The following NME7 variants were observed in gnomAD, a reference collection of about 807,000 sequenced individuals.
NME7 encodes NME/NM23 family member 7, also known as nucleoside diphosphate kinase 7.
A neutral mutation model predicts 49.1 loss-of-function variants in NME7; 41 were observed. That is an observed-to-expected ratio of 0.83 (90% CI 0.65 to 1.08). NME7 has a LOEUF of 1.08. NME7 is among the 50% of genes least tolerant of loss of function. The probability of loss-of-function intolerance (pLI) is 0.00; values close to 1 mark genes in which losing one functional copy is unlikely to be tolerated. For synonymous variants in NME7, 139 were observed against 150.6 expected (o/e 0.92, Z 0.56); for missense variants, 423 against 463.4 (o/e 0.91, Z 0.80).
At position 169,153,120 on chromosome 1, in the gene NME7, T is replaced by C. The variant is rs78700357; in HGVS notation, c.1098+16327A>G. ...TCAAATTTCAGCTCTCTGCCACTCA[T>C]TGGTGGGGTGATCCTGGCCAAGTCA... On this transcript the variant is annotated intron_variant, in intron 11 of 11. Transcript: ENST00000367811. 7.0e-3 allele frequency among the ~76,000 whole-genome samples: 1,066 copies of C among 152,270 alleles called. 15 individuals carry two copies. The highest frequency in any genetic ancestry group is 0.024 in the African/African-American group (1,003 of 41,552).
At chr1:169,231,935 C>T (rs1251581266) in intron 9 of NME7, among the ~76,000 whole-genome samples, 2 of 151,272 alleles carry the variant, frequency 1.3e-5, no homozygotes, top group African/African-American at 2.4e-5. Context: ...TTACAATATA[C>T]AGTATCCAGT....
In NME7 at chr1:169,297,135, A is replaced by C. The variant is rs1368721973; in HGVS notation, c.648+1421T>G. Among the ~76,000 whole-genome samples, 6 of 152,034 alleles carry C rather than the reference A, an allele frequency of 3.9e-5. No individual in the cohort carries two copies. In the East Asian group the frequency reaches 1.2e-3, roughly 29 times the overall value. On this transcript the variant is annotated intron_variant, in intron 6 of 11. Coordinates refer to ENST00000367811, the MANE Select transcript of NME7 (RefSeq NM_013330.5). ...ATTACAGGTGGGCGCCACCACACCCAGCTAATTTTTGTATTTTTAGTAGAA... is the reference window on the plus strand; with the variant it reads ...ATTACAGGTGGGCGCCACCACACCCCGCTAATTTTTGTATTTTTAGTAGAA...
At chr1:169,305,640 T>C (rs1651145941) in intron 4 of NME7, among the ~76,000 whole-genome samples, 1 of 152,182 alleles carries the variant, frequency 6.6e-6, no homozygotes, top group Admixed American at 6.5e-5. Flanking sequence ...CTCTTCAGTA[T>C]AAAGAGTAGG....
intron 11 of NME7, among the ~76,000 whole-genome samples, chr1:169,137,181 C>T (rs1658456988): frequency 6.6e-6 from 1 of 152,230 alleles, no homozygotes; most frequent in Non-Finnish European, 1.5e-5. Flanking sequence ...GGGCCCCTTA[C>T]AGCCAAGGCT....
chr1:169,149,846 A>C (rs1267216631), intron 11 of NME7, among the ~76,000 whole-genome samples: 1 of 152,226 alleles, frequency 6.6e-6, no homozygotes, highest in Non-Finnish European at 1.5e-5. Context: ...ATTGAGAGTA[A>C]CTGGGACCAA....
In NME7 at chr1:169,340,299, C is replaced by A. The variant is rs555714376; in HGVS notation, c.4-15799G>T. ...AAAGTGGCAGTTTCCCCTGCACGTT[C>A]TCTCTCCTGCCGCCTTGTGAGGAAG... is the stretch of plus-strand genomic sequence containing the variant. On this transcript the variant is annotated intron_variant, in intron 1 of 11. Coordinates refer to ENST00000367811, the MANE Select transcript of NME7 (RefSeq NM_013330.5). Among the ~76,000 whole-genome samples the A allele has an allele frequency of 2.0e-3, 300 of 152,298 alleles. 4 individuals carry two copies. The highest frequency in any genetic ancestry group is 7.0e-3 in the African/African-American group (291 of 41,568).
At chr1:169,136,525 G>A (rs991117933) in intron 11 of NME7, among the ~76,000 whole-genome samples, 1 of 152,180 alleles carries the variant, frequency 6.6e-6, no homozygotes, top group Non-Finnish European at 1.5e-5. Context: ...GGTCACAGGG[G>A]AGTGTCCAAA....
intron 7 of NME7, among the ~76,000 whole-genome samples, chr1:169,241,762 T>TAGAA (rs1648097966): frequency 6.6e-6 from 1 of 151,856 alleles, no homozygotes; most frequent in African/African-American, 2.4e-5. Context: ...TTTAATTGCA[T>TAGAA]AGAAAAAAAT....
chr1:169,165,257 C>T (rs1356954216), intron 11 of NME7, among the ~76,000 whole-genome samples: 1 of 151,782 alleles, frequency 6.6e-6, no homozygotes, highest in Non-Finnish European at 1.5e-5. Context: ...GATCCTATCA[C>T]AATCCAGCAA....
At chr1:169,344,236 T>G (rs879741380) in intron 1 of NME7, among the ~76,000 whole-genome samples, 1 of 152,208 alleles carries the variant, frequency 6.6e-6, no homozygotes, top group African/African-American at 2.4e-5. Flanking sequence ...TGAAATCAAT[T>G]GGTCTTGTAT....
chr1:169,314,817 TAGAAG>T (rs1211726224), intron 3 of NME7, among the ~76,000 whole-genome samples: 3 of 151,750 alleles, frequency 2.0e-5, no homozygotes, highest in East Asian at 3.9e-4. Flanking sequence ...AAGGCACACA[TAGAAG>T]AGAATACTGA....
chr1:169,281,165 C>G (rs1649995989), intron 7 of NME7, among the ~76,000 whole-genome samples: 1 of 152,088 alleles, frequency 6.6e-6, no homozygotes, highest in Non-Finnish European at 1.5e-5. Context: ...CTGAAGAGGT[C>G]CTTCATATCC....
intron 10 of NME7, among the ~76,000 whole-genome samples, chr1:169,226,563 C>T (rs1343703419): frequency 6.6e-6 from 1 of 152,146 alleles, no homozygotes; most frequent in African/African-American, 2.4e-5. Context: ...CAAAGGCATA[C>T]AGTCCTGCCT....
intron 1 of NME7, among the ~76,000 whole-genome samples, chr1:169,331,983 T>A (rs972136422): frequency 6.6e-6 from 1 of 152,100 alleles, no homozygotes; most frequent in Non-Finnish European, 1.5e-5. Flanking sequence ...AGAATTTATA[T>A]GGAACCACAA....
Position 169,168,025 on chromosome 1 carries a change from C to T in NME7, c.1098+1422G>A, listed in dbSNP as rs552873882. Among the ~76,000 whole-genome samples the T allele has an allele frequency of 7.2e-5, 11 of 152,196 alleles. No individual in the cohort carries two copies. In the East Asian group the frequency reaches 1.7e-3, roughly 24 times the overall value. On this transcript the variant is annotated intron_variant, in intron 11 of 11. Coordinates refer to ENST00000367811, the MANE Select transcript of NME7 (RefSeq NM_013330.5). ...TGAAGTAATAATTGGTCACAGCTGG[C>T]GCCAGGGAACGGCGGTCTCCTAGTA...
chr1:169,297,211 T>C (rs995677347), intron 6 of NME7, among the ~76,000 whole-genome samples: 2 of 152,114 alleles, frequency 1.3e-5, no homozygotes, highest in Non-Finnish European at 2.9e-5. Flanking sequence ...TGGCCTCAAA[T>C]GATCTGCCCG....
intron 7 of NME7, among the ~76,000 whole-genome samples, chr1:169,256,778 T>C (rs1344395996): frequency 7.8e-6 from 1 of 128,778 alleles, no homozygotes; most frequent in African/African-American, 2.6e-5. Context: ...GTTTTCCTTC[T>C]AACAGACAGG....
chr1:169,154,796 T>TAA (rs762299673), intron 11 of NME7, among the ~76,000 whole-genome samples: 6 of 134,610 alleles, frequency 4.5e-5, no homozygotes, highest in South Asian at 2.4e-4. Flanking sequence ...AGACTCTGTC[T>TAA]AAAAAAAAAA....
chr1:169,365,945 A>G (rs1272352549), intron 1 of NME7, among the ~76,000 whole-genome samples: 2 of 152,222 alleles, frequency 1.3e-5, no homozygotes, highest in African/African-American at 4.8e-5. Context: ...AATAGGAGAA[A>G]CCAGGAGGAA....
Sources: gnomAD v4.1 joint callset for allele counts (sites outside exome capture counted in the v4.1 genomes callset) on GRCh38, gnomAD v4.1.1 for gene constraint, MANE v1.5 for transcripts, NCBI Gene and HGNC (gene_info 2026-07-23, HGNC 2026-07-21) for gene names.